Variants in CSF2RA observed in about 807,000 individuals in gnomAD.
CSF2RA encodes the protein colony stimulating factor 2 receptor subunit alpha, also known as granulocyte-macrophage colony-stimulating factor receptor subunit alpha.
CSF2RA carries 42 observed loss-of-function variants against 51.6 expected under a neutral mutation model. The ratio of observed to expected loss-of-function variants is 0.81; its 90% CI spans 0.64 to 1.05. The LOEUF (loss-of-function observed/expected upper bound fraction) is 1.05. CSF2RA is among the 50% of genes least tolerant of loss of function. CSF2RA has a pLI of 0.00. For missense variants in CSF2RA, 530 were observed against 501.1 expected (o/e 1.06, Z -0.55); for synonymous variants, 222 against 193.0 (o/e 1.15, Z -1.24).
At chrX:1,288,912 A>G (rs2091072874) in intron 6 of CSF2RA, 24 bp downstream of exon 6, 2 of 1,613,466 alleles carry the variant, frequency 1.2e-6, no homozygotes, top group South Asian at 2.2e-5. Flanking sequence ...TCATGTGAAG[A>G]ATTATGAGGA....
chrX:1,285,952 C>A, intron 4 of CSF2RA, 32 bp downstream of exon 4: 4 of 1,613,576 alleles, frequency 2.5e-6, no homozygotes, highest in Non-Finnish European at 3.4e-6. Context: ...CAACCCCTGT[C>A]CTTTACACAC....
Position 1,305,696 on chromosome X carries a change from G to C in CSF2RA, c.1125+169G>C, listed in dbSNP as rs775593072. Reference sequence around the variant, plus strand: ...CCACTCCTGGGCCTTCTCCCGGGTCGGGGTCTTCTCCAAGGTTGGGGTCAG... The same window carrying C: ...CCACTCCTGGGCCTTCTCCCGGGTCCGGGTCTTCTCCAAGGTTGGGGTCAG... On this transcript the variant is annotated intron_variant, in intron 12 of 12. Coordinates refer to ENST00000381529, the MANE Select transcript of CSF2RA (RefSeq NM_172245.4). 10 of 1,563,134 alleles carry C rather than the reference G, an allele frequency of 6.4e-6. No individual in the cohort carries two copies. The Admixed American group carries it at 9.7e-5, about 15-fold the overall frequency.
At position 1,304,017 on chromosome X, in the gene CSF2RA, A is replaced by G. The variant is rs1471331011; in HGVS notation, c.1041A>G (p.Lys347=). 1.2e-6 allele frequency: 2 copies of G among 1,611,920 alleles called. No homozygotes were observed. Among genetic ancestry groups the G allele is most frequent in the Non-Finnish European group, 1.7e-6 (2 of 1,179,370 alleles). The part of the protein sequence containing the change: ...VCGIVLGFLF[K]RFLRIQRLFP... ...GCATCGTCCTCGGCTTCCTCTTTAA[A>G]AGGTAACCTGTGAAACACCTGGGCC... Residue 347 remains lysine, a splice_region_variant and synonymous_variant, in exon 11 of 13, where the codon AAA becomes AAG. Transcript: ENST00000381529.
At chrX:1,276,158 G>A (rs529629305) in intron 2 of CSF2RA, among the ~76,000 whole-genome samples, 2 of 145,534 alleles carry the variant, frequency 1.4e-5, no homozygotes, top group African/African-American at 2.6e-5. Context: ...ACGCCACCAC[G>A]CCTGGCTAAA....
intron 1 of CSF2RA, among the ~76,000 whole-genome samples, chrX:1,269,777 C>G (rs1423260518): frequency 1.1e-4 from 16 of 151,762 alleles, no homozygotes; most frequent in African/African-American, 3.4e-4. Context: ...GAACTGGAGG[C>G]AAGTTCACAT....
At chrX:1,313,922 C>A (rs534712142), downstream of CSF2RA, among the ~76,000 whole-genome samples, 340 of 152,106 alleles carry the variant, frequency 2.2e-3, 3 homozygotes, top group African/African-American at 7.8e-3. Flanking sequence ...ACCTGGGAGG[C>A]AGAGGTTGCA....
Position 1,290,453 on chromosome X carries a change from C to G in CSF2RA, c.590C>G (p.Thr197Ser). 1 of 1,613,858 alleles carries G rather than the reference C, an allele frequency of 6.2e-7. No individual in the cohort carries two copies. The highest frequency in any genetic ancestry group is 2.2e-5 in the East Asian group (1 of 44,888). Residue 197 changes from threonine (T) to serine (S), a missense_variant, in exon 7 of 13, where the codon ACC (threonine) becomes AGC (serine). Transcript: ENST00000381529. ...TSRNYFLVNG[T>S]SREIGIQFFD... ...CGCAATTACTTTCTGGTTAACGGAACCAGCCGAGAAATTGGCATCCAATTC... is the reference window on the plus strand; with the variant it reads ...CGCAATTACTTTCTGGTTAACGGAAGCAGCCGAGAAATTGGCATCCAATTC...
intron 2 of CSF2RA, chrX:1,281,854 T>TC (rs1287166670): frequency 6.8e-6 from 1 of 147,588 alleles, no homozygotes; most frequent in Non-Finnish European, 1.5e-5. Context: ...TTTTTTTTTT[T>TC]CACTTTCCTT....
intron 2 of CSF2RA, among the ~76,000 whole-genome samples, chrX:1,279,381 T>C (rs1355264820): frequency 3.3e-5 from 5 of 151,604 alleles, no homozygotes; most frequent in South Asian, 2.1e-4. Context: ...ATAATAATAA[T>C]AACTAGTGCA....
At chrX:1,320,664 ATTTTTTT>A in the CSF2RA span, among the ~76,000 whole-genome samples, 8,729 of 123,438 alleles carry the variant, frequency 0.071, 833 homozygotes, top group African/African-American at 0.23. Context: ...TGCCCAGCTA[ATTTTTTT>A]TTTTTTTTTT....
rs1240400360 is a variant in CSF2RA at position 1,309,414 on chromosome X, G to A, written c.1138G>A (p.Glu380Lys). 11 of 1,613,826 alleles carry A rather than the reference G, an allele frequency of 6.8e-6. No individual in the cohort carries two copies. In the East Asian group the frequency reaches 2.4e-4, roughly 36 times the overall value. Residue 380 changes from glutamate (E) to lysine (K), a missense_variant, in exon 13 of 13, where the codon GAA (glutamate) becomes AAA (lysine). Physicochemically the swap from Glu to Lys is moderately conservative, Grantham distance 56. Coordinates refer to ENST00000381529, the MANE Select transcript of CSF2RA (RefSeq NM_172245.4). ...HEVEDEIIWE[E>K]FTPEEGKGYR... ...TCCTTTTTCTCAGATCATCTGGGAG[G>A]AATTCACCCCAGAGGAAGGGAAAGG...
intron 1 of CSF2RA, among the ~76,000 whole-genome samples, chrX:1,269,554 C>T (rs1279458503): frequency 2.7e-5 from 4 of 150,186 alleles, no homozygotes; most frequent in African/African-American, 2.4e-5. Context: ...ACCCGGGAGG[C>T]GGAGCTTGCA....
chrX:1,282,418 G>A (rs2090165586), intron 2 of CSF2RA: 2 of 572,514 alleles, frequency 3.5e-6, no homozygotes, highest in African/African-American at 1.9e-5. Context: ...GGTCAGCTGA[G>A]CCATGACCCA....
At position 1,309,488 on chromosome X, in the gene CSF2RA, G is replaced by C. The variant is rs2229236; in HGVS notation, c.*9G>C. 1.2e-6 allele frequency: 2 copies of C among 1,613,932 alleles called. No homozygotes were observed. The highest frequency in any genetic ancestry group is 1.7e-6 in the Non-Finnish European group (2 of 1,179,862). On this transcript the variant is annotated 3_prime_UTR_variant, in exon 13 of 13. Coordinates refer to ENST00000381529, the MANE Select transcript of CSF2RA (RefSeq NM_172245.4). Reference sequence around the variant, plus strand: ...TGAAGGAAATTACCTGAGACCCAGAGGGTGTAGGAATGGCATGGACATCTC... The same window carrying C: ...TGAAGGAAATTACCTGAGACCCAGACGGTGTAGGAATGGCATGGACATCTC...
intron 2 of CSF2RA, chrX:1,282,336 T>G (rs1228219932): frequency 4.0e-4 from 132 of 328,398 alleles, no homozygotes; most frequent in Admixed American, 9.0e-4. Context: ...GAAAAATGAA[T>G]GAAAGTGACT....
chrX:1,323,166 A>AAAAT, the CSF2RA span, among the ~76,000 whole-genome samples: 1 of 150,882 alleles, frequency 6.6e-6, no homozygotes, highest in Non-Finnish European at 1.5e-5. Flanking sequence ...ATTATAAAAT[A>AAAAT]AAATAAAATA....
At chrX:1,314,888 C>T (rs1426338563), downstream of CSF2RA, among the ~76,000 whole-genome samples, 2 of 84,102 alleles carry the variant, frequency 2.4e-5, no homozygotes, top group African/African-American at 9.1e-5. Context: ...CCTGCCCAAC[C>T]ACACTGAACC....
chrX:1,304,154 A>G, intron 11 of CSF2RA, 135 bp downstream of exon 11: 1 of 785,800 alleles, frequency 1.3e-6, no homozygotes, highest in Middle Eastern at 3.5e-4. Context: ...CATGCCTGTA[A>G]TCCCAGCACT....
intron 2 of CSF2RA, chrX:1,282,031 T>TAAAAAAAAAAAAAAAAAAAA (rs1202643478): frequency 1.6e-5 from 1 of 61,150 alleles, no homozygotes; most frequent in Non-Finnish European, 2.8e-5. Flanking sequence ...CTGTTTCTAC[T>TAAAAAAAAAAAAAAAAAAAA]AAAAAAAAAA....
Sources: allele counts gnomAD v4.1 joint callset (sites outside exome capture counted in the v4.1 genomes callset), GRCh38; gene constraint gnomAD v4.1.1; transcripts MANE v1.5; gene names NCBI Gene and HGNC (gene_info 2026-07-23, HGNC 2026-07-21).